The following CACNA2D3 variants were observed in gnomAD, a reference collection of about 807,000 sequenced individuals.
CACNA2D3 encodes the protein calcium voltage-gated channel auxiliary subunit alpha2delta 3, also known as voltage-dependent calcium channel subunit alpha-2/delta-3.
In CACNA2D3, 60 loss-of-function variants were observed where a neutral mutation model predicts 160.6. The ratio of observed to expected loss-of-function variants is 0.37; its 90% CI spans 0.30 to 0.46. The LOEUF (loss-of-function observed/expected upper bound fraction) is 0.46. CACNA2D3 is among the 20% of genes least tolerant of loss of function. CACNA2D3 has a pLI of 1.00. For synonymous variants in CACNA2D3, 558 were observed against 492.9 expected (o/e 1.13, Z -1.75); for missense variants, 1,205 against 1,365.0 (o/e 0.88, Z 1.85).
chr3:54,411,000 G>A (rs933691472), intron 4 of CACNA2D3, among the ~76,000 whole-genome samples: 1 of 152,176 alleles, frequency 6.6e-6, no homozygotes, highest in Admixed American at 6.5e-5. Flanking sequence ...GTCTTTGAGG[G>A]GTTCAAGACT....
At chr3:54,788,838 C>T (rs1053043792) in intron 13 of CACNA2D3, among the ~76,000 whole-genome samples, 1 of 152,086 alleles carries the variant, frequency 6.6e-6, no homozygotes, top group Admixed American at 6.6e-5. Flanking sequence ...GCAGTAATGA[C>T]TCAGTGGGTT....
At chr3:54,801,494 C>T (rs112192797) in intron 13 of CACNA2D3, among the ~76,000 whole-genome samples, 3,897 of 152,140 alleles carry the variant, frequency 0.026, 73 homozygotes, top group Non-Finnish European at 0.039. Context: ...TGTCCATTAC[C>T]GTGTCATTCA....
At chr3:54,946,455 A>G (rs1451264573) in intron 27 of CACNA2D3, among the ~76,000 whole-genome samples, 1 of 152,196 alleles carries the variant, frequency 6.6e-6, no homozygotes, top group Admixed American at 6.5e-5. Context: ...TGTTGGATGA[A>G]GAGAATATAG....
intron 17 of CACNA2D3, among the ~76,000 whole-genome samples, chr3:54,859,225 G>A (rs1455047626): frequency 6.6e-6 from 1 of 152,148 alleles, no homozygotes; most frequent in East Asian, 1.9e-4. Flanking sequence ...AAGACCCAAA[G>A]AATGCAAATA....
At chr3:54,208,013 C>T (rs1390326901) in intron 2 of CACNA2D3, among the ~76,000 whole-genome samples, 2 of 152,060 alleles carry the variant, frequency 1.3e-5, no homozygotes, top group African/African-American at 2.4e-5. Flanking sequence ...TCAGTGTTGT[C>T]GATTTGATTT....
At chr3:54,869,389 G>C (rs750737857) in intron 17 of CACNA2D3, among the ~76,000 whole-genome samples, 2 of 152,242 alleles carry the variant, frequency 1.3e-5, no homozygotes, top group Non-Finnish European at 2.9e-5. Context: ...TAAACCACAA[G>C]TAAGTCCTTG....
rs569799828 is a variant in CACNA2D3, at chr3:54,472,046, G to T, written c.382-31446G>T. Among the ~76,000 whole-genome samples the T allele has an allele frequency of 1.2e-4, 18 of 152,180 alleles. No homozygotes were observed. In the East Asian group the frequency reaches 3.5e-3, roughly 29 times the overall value. ...AAGGGACTCCTCCCTAACATATTTTGTGAGGCCAGCATCATCCTGATACCA... is the reference window on the plus strand; with the variant it reads ...AAGGGACTCCTCCCTAACATATTTTTTGAGGCCAGCATCATCCTGATACCA... On this transcript the variant is annotated intron_variant, in intron 4 of 37. Transcript: ENST00000474759.
At chr3:54,350,423 G>A (rs949674621) in intron 3 of CACNA2D3, among the ~76,000 whole-genome samples, 21 of 152,254 alleles carry the variant, frequency 1.4e-4, no homozygotes, top group Admixed American at 9.2e-4. Flanking sequence ...GAAGAAGACA[G>A]ATATGGCCTT....
intron 11 of CACNA2D3, among the ~76,000 whole-genome samples, chr3:54,674,508 A>G (rs995610472): frequency 6.6e-5 from 10 of 152,214 alleles, no homozygotes; most frequent in African/African-American, 2.4e-4. Flanking sequence ...ATTTTTAATT[A>G]TAAATTTAAA....
chr3:54,286,330 C>T (rs887817943), intron 2 of CACNA2D3, among the ~76,000 whole-genome samples: 3 of 151,910 alleles, frequency 2.0e-5, no homozygotes, highest in Admixed American at 6.6e-5. Context: ...AGGGTATCAG[C>T]AATGGAAGAT....
chr3:54,923,750 C>T (rs1016497159), intron 27 of CACNA2D3, among the ~76,000 whole-genome samples: 3 of 152,178 alleles, frequency 2.0e-5, no homozygotes, highest in African/African-American at 7.2e-5. Flanking sequence ...AAAGCCATGC[C>T]TTCTGTTCTC....
chr3:54,440,125 C>T (rs1361112598), intron 4 of CACNA2D3, among the ~76,000 whole-genome samples: 1 of 152,162 alleles, frequency 6.6e-6, no homozygotes. Flanking sequence ...CCTGATCTCT[C>T]TCCTCTCTAG....
chr3:54,796,895 G>C (rs193087752), intron 13 of CACNA2D3, among the ~76,000 whole-genome samples: 3 of 145,794 alleles, frequency 2.1e-5, no homozygotes, highest in African/African-American at 5.6e-5. Context: ...ACAGAGCTCC[G>C]TGTGAAGGCA....
At chr3:54,626,247 C>T in intron 9 of CACNA2D3, 1 of 1,131,328 alleles carries the variant, frequency 8.8e-7, no homozygotes, top group South Asian at 1.3e-5. Flanking sequence ...AGCAGACCTT[C>T]CGCAGGTTCA....
At chr3:54,291,249 A>G (rs907980279) in intron 2 of CACNA2D3, among the ~76,000 whole-genome samples, 13 of 152,218 alleles carry the variant, frequency 8.5e-5, no homozygotes, top group African/African-American at 2.9e-4. Context: ...TAAAGAAAAT[A>G]AAAATTCGTG....
intron 11 of CACNA2D3, among the ~76,000 whole-genome samples, chr3:54,654,407 G>C (rs1559540404): frequency 6.6e-6 from 1 of 152,140 alleles, no homozygotes; most frequent in Non-Finnish European, 1.5e-5. Flanking sequence ...TCAGGGACAG[G>C]CATCTACCAG....
At chr3:54,825,833 A>T (rs1372869128) in intron 14 of CACNA2D3, among the ~76,000 whole-genome samples, 1 of 152,218 alleles carries the variant, frequency 6.6e-6, no homozygotes, top group Non-Finnish European at 1.5e-5. Context: ...TCTATATCAA[A>T]TCAATGTGAA....
At chr3:54,156,139 C>A (rs1224552776) in intron 2 of CACNA2D3, among the ~76,000 whole-genome samples, 3 of 152,118 alleles carry the variant, frequency 2.0e-5, no homozygotes, top group Admixed American at 1.3e-4. Context: ...AGCAGTAGAT[C>A]CTGAATTGGT....
chr3:54,622,425 G>A (rs544656294), intron 9 of CACNA2D3, among the ~76,000 whole-genome samples: 44 of 152,182 alleles, frequency 2.9e-4, no homozygotes, highest in Non-Finnish European at 4.9e-4. Flanking sequence ...ACAGGCGCCC[G>A]CCACCACGTC....
Sources: allele counts gnomAD v4.1 joint callset (sites outside exome capture counted in the v4.1 genomes callset), GRCh38; gene constraint gnomAD v4.1.1; transcripts MANE v1.5; gene names NCBI Gene and HGNC (gene_info 2026-07-23, HGNC 2026-07-21).